LINGO2: variants seen among roughly 807,000 people sequenced by gnomAD.
The protein encoded by LINGO2 is leucine-rich repeat and immunoglobulin-like domain-containing nogo receptor-interacting protein 2.
A neutral mutation model predicts 30.6 loss-of-function variants in LINGO2; 14 were observed. That is an observed-to-expected ratio of 0.46 (90% CI 0.30 to 0.72). The LOEUF is 0.72. Among genes scored for constraint, LINGO2 ranks in the 30% least tolerant of loss-of-function variants. The pLI, the probability that LINGO2 is intolerant of heterozygous loss-of-function variation, is 0.07. For synonymous variants in LINGO2, 317 were observed against 288.5 expected (o/e 1.10, Z -1.00); for missense variants, 729 against 751.7 (o/e 0.97, Z 0.35).
intron 3 of LINGO2, among the ~76,000 whole-genome samples, chr9:28,304,464 A>C (rs1442611868): frequency 6.6e-6 from 1 of 151,934 alleles, no homozygotes; most frequent in Non-Finnish European, 1.5e-5. Context: ...CAGTTTTAAG[A>C]AATCAGTATA....
At chr9:29,173,241 A>C in the LINGO2 span, among the ~76,000 whole-genome samples, 1 of 152,098 alleles carries the variant, frequency 6.6e-6, no homozygotes, top group African/African-American at 2.4e-5. Flanking sequence ...CTCAGTTGAC[A>C]TTTCTGGAAA....
chr9:28,202,046 G>T (rs1820255502), intron 4 of LINGO2, among the ~76,000 whole-genome samples: 1 of 152,064 alleles, frequency 6.6e-6, no homozygotes, highest in South Asian at 2.1e-4. Context: ...GTGTTCCTTA[G>T]CTTGTAGACA....
intron 1 of LINGO2, among the ~76,000 whole-genome samples, chr9:28,550,079 A>G (rs1343474099): frequency 6.6e-6 from 1 of 151,860 alleles, no homozygotes; most frequent in Non-Finnish European, 1.5e-5. Flanking sequence ...TTTTAAATTC[A>G]ATGTGTCTAA....
chr9:28,953,887 C>A, the LINGO2 span, among the ~76,000 whole-genome samples: 2 of 151,992 alleles, frequency 1.3e-5, no homozygotes, highest in African/African-American at 4.8e-5. Context: ...TGAATGGATC[C>A]TTTATCTATG....
the LINGO2 span, among the ~76,000 whole-genome samples, chr9:28,715,993 T>TA: frequency 1.3e-5 from 2 of 151,878 alleles, no homozygotes; most frequent in Non-Finnish European, 2.9e-5. Flanking sequence ...ATAGTGACAA[T>TA]AAAATGTGTT....
At chr9:27,984,518 C>T (rs1930007) in intron 5 of LINGO2, among the ~76,000 whole-genome samples, 151,552 of 151,942 alleles carry the variant, frequency 1, 75,582 homozygotes, top group Middle Eastern at 1. Flanking sequence ...TCCTGTCATT[C>T]ATAAGCCTGA....
the LINGO2 span, among the ~76,000 whole-genome samples, chr9:28,832,018 T>C: frequency 2.0e-5 from 3 of 152,200 alleles, no homozygotes; most frequent in South Asian, 6.2e-4. Flanking sequence ...GACATATTTT[T>C]CCCAATTTGG....
chr9:27,976,410 C>A (rs541742346), intron 5 of LINGO2, among the ~76,000 whole-genome samples: 4 of 151,970 alleles, frequency 2.6e-5, no homozygotes, highest in Non-Finnish European at 4.4e-5. Context: ...GAGAAAGTGT[C>A]CCTCCATATT....
intron 2 of LINGO2, among the ~76,000 whole-genome samples, chr9:28,436,869 C>T (rs1453469635): frequency 6.6e-6 from 1 of 152,136 alleles, no homozygotes; most frequent in Non-Finnish European, 1.5e-5. Flanking sequence ...CCTGATAGGG[C>T]AAGGGTAAGG....
chr9:29,013,358 A>C, the LINGO2 span, among the ~76,000 whole-genome samples: 1 of 150,902 alleles, frequency 6.6e-6, no homozygotes, highest in South Asian at 2.1e-4. Context: ...CTTATACCTT[A>C]AGAGAGCATC....
chr9:28,472,140 T>C (rs1217959696), intron 2 of LINGO2, among the ~76,000 whole-genome samples: 4 of 152,080 alleles, frequency 2.6e-5, no homozygotes, highest in Non-Finnish European at 5.9e-5. Flanking sequence ...CACAGGTTTG[T>C]AGACATTCTG....
chr9:29,011,734 C>T, the LINGO2 span, among the ~76,000 whole-genome samples: 1 of 152,132 alleles, frequency 6.6e-6, no homozygotes, highest in Non-Finnish European at 1.5e-5. Context: ...GCTTTGTAGG[C>T]AAAGTAGCCA....
chr9:29,024,405 A>G, the LINGO2 span, among the ~76,000 whole-genome samples: 2 of 152,134 alleles, frequency 1.3e-5, no homozygotes, highest in Non-Finnish European at 2.9e-5. Context: ...TAAAGGCTCA[A>G]TAAAGGTTTG....
the LINGO2 span, among the ~76,000 whole-genome samples, chr9:28,678,947 A>T: frequency 6.6e-6 from 1 of 152,128 alleles, no homozygotes; most frequent in African/African-American, 2.4e-5. Context: ...ATTTTAAAAT[A>T]AAATATTACA....
chr9:28,043,329 C>T (rs1824275732), intron 4 of LINGO2, among the ~76,000 whole-genome samples: 1 of 152,124 alleles, frequency 6.6e-6, no homozygotes, highest in African/African-American at 2.4e-5. Context: ...GACTGCATGC[C>T]CTCAACACTC....
chr9:28,729,329 T>C, the LINGO2 span, among the ~76,000 whole-genome samples: 6 of 152,186 alleles, frequency 3.9e-5, no homozygotes, highest in Non-Finnish European at 8.8e-5. Context: ...ACCTAAGTTT[T>C]TGTAAGTTAA....
intron 4 of LINGO2, among the ~76,000 whole-genome samples, chr9:28,169,383 A>C (rs1177680393): frequency 6.6e-6 from 1 of 152,240 alleles, no homozygotes; most frequent in Non-Finnish European, 1.5e-5. Flanking sequence ...AAAGTACAGT[A>C]GTCCAGAATT....
At chr9:28,358,644 C>T (rs1391861307) in intron 3 of LINGO2, among the ~76,000 whole-genome samples, 1 of 152,128 alleles carries the variant, frequency 6.6e-6, no homozygotes, top group Non-Finnish European at 1.5e-5. Flanking sequence ...AATGGAACTT[C>T]TCTGTGCTTC....
chr9:28,095,037 C>T (rs897174374), intron 4 of LINGO2, among the ~76,000 whole-genome samples: 1 of 152,022 alleles, frequency 6.6e-6, no homozygotes, highest in Non-Finnish European at 1.5e-5. Flanking sequence ...ATTAGAATTC[C>T]ACAATTAAAA....
Sources: gnomAD v4.1 joint callset for allele counts (sites outside exome capture counted in the v4.1 genomes callset) on GRCh38, gnomAD v4.1.1 for gene constraint, MANE v1.5 for transcripts, NCBI Gene and HGNC (gene_info 2026-07-23, HGNC 2026-07-21) for gene names.